Variants in PAPLN observed in about 807,000 individuals in gnomAD.
PAPLN encodes the protein papilin, proteoglycan like sulfated glycoprotein.
Under a neutral mutation model 159.0 loss-of-function variants are expected in PAPLN, and 146 were observed. The ratio of observed to expected loss-of-function variants is 0.92; its 90% CI spans 0.80 to 1.05. PAPLN has a LOEUF of 1.05. Among genes scored for constraint, PAPLN ranks in the 50% least tolerant of loss-of-function variants. PAPLN has a pLI of 0.00. For synonymous variants in PAPLN, 734 were observed against 702.9 expected (o/e 1.04, Z -0.70); for missense variants, 1,720 against 1,743.9 (o/e 0.99, Z 0.24).
upstream of PAPLN, among the ~76,000 whole-genome samples, chr14:73,236,310 C>T (rs1019508388): frequency 2.6e-5 from 4 of 152,150 alleles, no homozygotes; most frequent in African/African-American, 7.2e-5. Context: ...GCAGGCCCTG[C>T]CCCCCGGGAC....
intron 26 of PAPLN, 35 bp downstream of exon 26, chr14:73,268,758 A>T: frequency 6.4e-7 from 1 of 1,559,744 alleles, no homozygotes; most frequent in South Asian, 1.2e-5. Flanking sequence ...TGGGAAGGAC[A>T]TTCCCCAGTA....
intron 7 of PAPLN, 122 bp downstream of exon 7, chr14:73,251,152 A>G: frequency 6.8e-7 from 1 of 1,467,854 alleles, no homozygotes; most frequent in Non-Finnish European, 9.1e-7. Context: ...GAAGGCTCTG[A>G]TCATATCAGG....
At chr14:73,252,857 G>T in intron 11 of PAPLN, 82 bp downstream of exon 11, 1 of 1,571,616 alleles carries the variant, frequency 6.4e-7, no homozygotes, top group Non-Finnish European at 8.6e-7. Context: ...AGCTGCTTTA[G>T]GTGTAGAACA....
rs765206311 is a variant in PAPLN, at chr14:73,262,640, G to A, written c.2536G>A (p.Ala846Thr). ...QEPSQHRTGA[A>T]VQRKPWPSGG... Reference sequence around the variant, plus strand: ...ACCCAGCCAGCACAGGACAGGGGCCGCGGTGCAGAGAAAGCCCTGGCCTTC... The same window carrying A: ...ACCCAGCCAGCACAGGACAGGGGCCACGGTGCAGAGAAAGCCCTGGCCTTC... Residue 846 changes from alanine to threonine, a missense_variant, in exon 19 of 27, where the codon GCG (alanine) becomes ACG (threonine). Coordinates refer to ENST00000644200, the MANE Select transcript of PAPLN (RefSeq NM_001365906.3). 55 of 1,512,284 alleles carry A rather than the reference G, an allele frequency of 3.6e-5. No homozygotes were observed. The highest frequency in any genetic ancestry group is 1.4e-4 in the East Asian group (6 of 41,954). 93.7% of individuals were successfully genotyped at this position (1,512,284 alleles called of 1,614,324 possible). A position where few individuals can be genotyped will look rare whatever the true frequency, so the allele number is the denominator to read the frequency against.
upstream of PAPLN, among the ~76,000 whole-genome samples, chr14:73,236,213 C>G (rs1883027822): frequency 6.6e-6 from 1 of 152,054 alleles, no homozygotes; most frequent in South Asian, 2.1e-4. Flanking sequence ...AAAAGGACAA[C>G]CAGGAAAACA....
intron 10 of PAPLN, 24 bp from the exon 11 acceptor site, chr14:73,252,625 C>T (rs773458627): frequency 8.7e-6 from 14 of 1,607,906 alleles, no homozygotes; most frequent in East Asian, 4.5e-5. Context: ...GGCGTCTGCC[C>T]GCCATGGCTG....
intron 11 of PAPLN, chr14:73,253,311 G>C (rs1424386794): frequency 8.0e-7 from 1 of 1,244,824 alleles, no homozygotes; most frequent in Non-Finnish European, 1.1e-6. Flanking sequence ...TCCTGGGATG[G>C]TGGCGGACTT....
intron 25 of PAPLN, 121 bp downstream of exon 25, chr14:73,266,952 G>GA: frequency 1.0e-6 from 1 of 955,416 alleles, no homozygotes; most frequent in Non-Finnish European, 1.6e-6. Context: ...TCCAGGCCTG[G>GA]TGCCAGGGGA....
At chr14:73,247,610 G>A (rs965500444) in intron 5 of PAPLN, among the ~76,000 whole-genome samples, 7 of 149,354 alleles carry the variant, frequency 4.7e-5, no homozygotes, top group Non-Finnish European at 1.0e-4. Context: ...GTGTTGTGCC[G>A]ATCGTGGCAG....
At chr14:73,253,096 G>T (rs565633107) in intron 11 of PAPLN, 1 of 1,389,198 alleles carries the variant, frequency 7.2e-7, no homozygotes, top group East Asian at 3.6e-5. Context: ...AGATGCCAAG[G>T]GGTGGGCCAG....
In PAPLN at chr14:73,268,137, C is replaced by T. The variant is rs77949679; in HGVS notation, c.3501-420C>T. ...TTCCCTCTGCTCCAGGAACTACTGT[C>T]TTCTGCTGTGCCTCAGGGCCTGTCC... is the stretch of plus-strand genomic sequence containing the variant. On this transcript the variant is annotated intron_variant, in intron 25 of 26. Transcript: ENST00000644200. 9.2e-3 allele frequency among the ~76,000 whole-genome samples: 1,393 copies of T among 152,152 alleles called. 9 individuals carry two copies. Among genetic ancestry groups the T allele is most frequent in the South Asian group, 0.029 (141 of 4,812 alleles).
At chr14:73,258,319 C>A (rs542444450) in intron 14 of PAPLN, among the ~76,000 whole-genome samples, 72 of 152,198 alleles carry the variant, frequency 4.7e-4, no homozygotes, top group Admixed American at 2.3e-3. Context: ...TGGCCATTTG[C>A]ATATCATCTT....
Position 73,264,311 on chromosome 14 carries a change from C to T in PAPLN, c.2962C>T (p.Gln988Ter). 1 of 1,614,002 alleles carries T rather than the reference C, an allele frequency of 6.2e-7. No individual in the cohort carries two copies. The highest frequency in any genetic ancestry group is 8.5e-7 in the Non-Finnish European group (1 of 1,179,992). ...CGSTRPGRDS[Q>*]KIQLRIIGGD... ...CAGCACCCGGCCAGGCCGCGACTCC[C>T]AGAAGATCCAACTTCGCATCATAGG... The change falls in exon 21 of 27, where the codon CAG becomes TAG. Residue 988 changes from glutamine (Q) to a stop codon, truncating the protein, a stop_gained. Coordinates refer to ENST00000644200, the MANE Select transcript of PAPLN (RefSeq NM_001365906.3). LOFTEE classifies it high-confidence loss of function.
chr14:73,248,393 T>G (rs1884856929), intron 5 of PAPLN, among the ~76,000 whole-genome samples: 4 of 152,096 alleles, frequency 2.6e-5, no homozygotes, highest in Admixed American at 1.3e-4. Context: ...ATAGAAAAAT[T>G]GGAACACAGG....
chr14:73,258,392 A>G (rs1886164900), intron 14 of PAPLN, among the ~76,000 whole-genome samples: 1 of 152,058 alleles, frequency 6.6e-6, no homozygotes, highest in South Asian at 2.1e-4. Flanking sequence ...CATCAGTCCA[A>G]TTTTTTAAAA....
At chr14:73,246,410 T>C in intron 5 of PAPLN, among the ~76,000 whole-genome samples, 1 of 144,848 alleles carries the variant, frequency 6.9e-6, no homozygotes, top group East Asian at 2.0e-4. Flanking sequence ...TTTTTTTTTT[T>C]TTTTTTTTTT....
intron 26 of PAPLN, among the ~76,000 whole-genome samples, chr14:73,269,820 G>T (rs1200841826): frequency 1.3e-5 from 2 of 151,856 alleles, no homozygotes; most frequent in African/African-American, 4.8e-5. Context: ...CTGACAATCA[G>T]GGCTGCAGCG....
intron 25 of PAPLN, 37 bp downstream of exon 25, chr14:73,266,868 C>G (rs751862129): frequency 1.0e-5 from 16 of 1,554,370 alleles, no homozygotes; most frequent in Non-Finnish European, 1.1e-5. Context: ...TGTCCCCAGA[C>G]CTTCACAACC....
intron 16 of PAPLN, among the ~76,000 whole-genome samples, chr14:73,260,019 G>A (rs964486396): frequency 6.6e-6 from 1 of 152,006 alleles, no homozygotes; most frequent in Non-Finnish European, 1.5e-5. Flanking sequence ...TGCCCTGAAC[G>A]CATCCCCAGT....
Sources: allele counts gnomAD v4.1 joint callset (sites outside exome capture counted in the v4.1 genomes callset), GRCh38; gene constraint gnomAD v4.1.1; transcripts MANE v1.5; gene names NCBI Gene and HGNC (gene_info 2026-07-23, HGNC 2026-07-21).